The following HSD17B12 variants were observed in gnomAD, a reference collection of about 807,000 sequenced individuals.
The protein encoded by HSD17B12 is very-long-chain 3-oxoacyl-CoA reductase.
Under a neutral mutation model 39.3 loss-of-function variants are expected in HSD17B12, and 32 were observed. That is an observed-to-expected ratio of 0.81 (90% CI 0.61 to 1.09). The LOEUF (loss-of-function observed/expected upper bound fraction) is 1.09, where lower values mean the gene tolerates loss of function less well. HSD17B12 is among the 50% of genes least tolerant of loss of function. The pLI is 0.00. For synonymous variants in HSD17B12, 150 were observed against 146.7 expected, an observed-to-expected ratio of 1.02 and a Z score of -0.16; for missense variants, 342 against 382.9, an observed-to-expected ratio of 0.89 and a Z score of 0.89.
At chr11:43,745,995 G>A (rs1316571091) in intron 1 of HSD17B12, among the ~76,000 whole-genome samples, 1 of 152,134 alleles carries the variant, frequency 6.6e-6, no homozygotes, top group East Asian at 1.9e-4. Flanking sequence ...GGGTGACAGA[G>A]CAAGACCCTG....
the HSD17B12 span, among the ~76,000 whole-genome samples, chr11:43,627,460 T>G: frequency 1.3e-5 from 2 of 152,090 alleles, no homozygotes; most frequent in East Asian, 3.9e-4. Flanking sequence ...TGATGTTAGA[T>G]CTATTAGCAT....
At chr11:43,764,072 G>A (rs1243246229) in intron 3 of HSD17B12, among the ~76,000 whole-genome samples, 4 of 152,054 alleles carry the variant, frequency 2.6e-5, no homozygotes, top group Non-Finnish European at 1.5e-5. Flanking sequence ...GATAATATCA[G>A]AAGATATATA....
intron 3 of HSD17B12, among the ~76,000 whole-genome samples, chr11:43,778,896 G>A (rs909229046): frequency 6.6e-6 from 1 of 152,074 alleles, no homozygotes; most frequent in Non-Finnish European, 1.5e-5. Context: ...TATATCTTCT[G>A]TATTGTGAAC....
intron 4 of HSD17B12, among the ~76,000 whole-genome samples, chr11:43,803,882 T>C (rs960684530): frequency 6.6e-6 from 1 of 152,214 alleles, no homozygotes; most frequent in Non-Finnish European, 1.5e-5. Context: ...GAAAATGACA[T>C]CCTTACTGCT....
chr11:43,845,214 G>A (rs925422066), intron 9 of HSD17B12, among the ~76,000 whole-genome samples: 2 of 152,172 alleles, frequency 1.3e-5, no homozygotes, highest in African/African-American at 4.8e-5. Context: ...AAACTCCTGA[G>A]CTCAAGTAAT....
the HSD17B12 span, among the ~76,000 whole-genome samples, chr11:43,642,888 T>TA: frequency 1.3e-5 from 2 of 152,062 alleles, no homozygotes; most frequent in South Asian, 4.1e-4. Context: ...GTTTACTAGA[T>TA]AAAAAATGTA....
At chr11:43,556,904 C>G in the HSD17B12 span, 1 of 151,456 alleles carries the variant, frequency 6.6e-6, no homozygotes, top group African/African-American at 2.4e-5. Flanking sequence ...CCCTAGAAAT[C>G]TATGTAAAGC....
At chr11:43,581,298 G>C in the HSD17B12 span, 7 of 467,024 alleles carry the variant, frequency 1.5e-5, no homozygotes, top group South Asian at 9.3e-5. This position sits in a 1 kb window ranked among gnomAD's most constrained non-coding sequence, Gnocchi z 4.9. Context: ...ACTGAGCCGC[G>C]ATGGAACGCG....
chr11:43,610,754 C>A, the HSD17B12 span, among the ~76,000 whole-genome samples: 445 of 152,156 alleles, frequency 2.9e-3, 6 homozygotes, highest in African/African-American at 0.01. Context: ...TAATGCCCCC[C>A]AAAAATGGCA....
intron 8 of HSD17B12, among the ~76,000 whole-genome samples, 159 bp downstream of exon 8, chr11:43,838,557 C>G (rs890062608): frequency 1.3e-5 from 2 of 152,038 alleles, no homozygotes; most frequent in African/African-American, 4.8e-5. Context: ...TTCAAAAGAA[C>G]CAGAGTTGGA....
the HSD17B12 span, chr11:43,645,306 C>T: frequency 7.2e-5 from 11 of 152,168 alleles, no homozygotes; most frequent in Admixed American, 2.6e-4. Flanking sequence ...CCATAAATTC[C>T]GCCTTATTTC....
chr11:43,692,923 A>G (rs989168169), intron 1 of HSD17B12, among the ~76,000 whole-genome samples: 6 of 152,242 alleles, frequency 3.9e-5, no homozygotes, highest in African/African-American at 1.4e-4. Context: ...CTTCATGGAA[A>G]TAAATGAATA....
intron 4 of HSD17B12, among the ~76,000 whole-genome samples, chr11:43,803,426 A>G (rs1488516579): frequency 6.6e-6 from 1 of 152,210 alleles, no homozygotes; most frequent in East Asian, 1.9e-4. Context: ...TTCTATGTAT[A>G]GACTGATTTC....
At chr11:43,714,630 C>T (rs1365444865) in intron 1 of HSD17B12, among the ~76,000 whole-genome samples, 6 of 152,100 alleles carry the variant, frequency 3.9e-5, no homozygotes, top group Non-Finnish European at 5.9e-5. Flanking sequence ...TCCATATGAA[C>T]TTTAAAGTAG....
At chr11:43,755,849 T>G (rs928901397) in intron 3 of HSD17B12, among the ~76,000 whole-genome samples, 1 of 152,204 alleles carries the variant, frequency 6.6e-6, no homozygotes, top group Non-Finnish European at 1.5e-5. Flanking sequence ...ATGCTGCTGA[T>G]AAAGACATAC....
chr11:43,611,221 A>G, the HSD17B12 span, among the ~76,000 whole-genome samples: 3 of 152,198 alleles, frequency 2.0e-5, no homozygotes, highest in Non-Finnish European at 4.4e-5. Context: ...AAAAGGTATA[A>G]CAACAACAAA....
intron 3 of HSD17B12, among the ~76,000 whole-genome samples, chr11:43,778,261 T>C (rs1170249815): frequency 6.6e-6 from 1 of 152,178 alleles, no homozygotes; most frequent in African/African-American, 2.4e-5. Flanking sequence ...CCTCGACACA[T>C]ACACTCTCCC....
At chr11:43,631,347 G>T in the HSD17B12 span, among the ~76,000 whole-genome samples, 1 of 152,224 alleles carries the variant, frequency 6.6e-6, no homozygotes, top group Admixed American at 6.5e-5. Context: ...GATAGTAAAG[G>T]ATCTTCCAAA....
At position 43,831,892 on chromosome 11, in the gene HSD17B12, T is replaced by C. The variant is rs1004679189; in HGVS notation, c.536+882T>C. ...GATTACAGCTTATGTTTATTGAGTA[T>C]ATAGTAAGTGCCAGGAACTTAGTAA... is the stretch of plus-strand genomic sequence containing the variant. On this transcript the variant is annotated intron_variant, in intron 7 of 10. Transcript: ENST00000278353. The surrounding 1 kb of genome is among the most constrained non-coding windows in gnomAD (Gnocchi z 4.1). Among the ~76,000 whole-genome samples, 1 of 152,154 alleles carries C rather than the reference T, an allele frequency of 6.6e-6. No homozygotes were observed. The highest frequency in any genetic ancestry group is 2.4e-5 in the African/African-American group (1 of 41,434).
Sources: gnomAD v4.1 joint callset for allele counts (sites outside exome capture counted in the v4.1 genomes callset) on GRCh38, gnomAD v4.1.1 for gene constraint, Gnocchi (gnomAD v3.1) non-coding constraint, MANE v1.5 for transcripts, NCBI Gene and HGNC (gene_info 2026-07-23, HGNC 2026-07-21) for gene names.